The following AKAP9 variants were observed in gnomAD, a reference collection of about 807,000 sequenced individuals.
AKAP9 encodes A-kinase anchor protein 9.
In AKAP9, 311 loss-of-function variants were observed where a neutral mutation model predicts 488.5. That is an observed-to-expected ratio of 0.64 (90% CI 0.58 to 0.70). The LOEUF (loss-of-function observed/expected upper bound fraction) is 0.70, where lower values mean the gene tolerates loss of function less well. Among genes scored for constraint, AKAP9 ranks in the 30% least tolerant of loss-of-function variants. The pLI, the probability that AKAP9 is intolerant of heterozygous loss-of-function variation, is 0.00. For synonymous variants in AKAP9, 1,462 were observed against 1,483.5 expected (o/e 0.99, Z 0.33); for missense variants, 4,215 against 4,374.5 (o/e 0.96, Z 1.03).
At position 92,026,981 on chromosome 7, in the gene AKAP9, G is replaced by A. The variant is rs566369835; in HGVS notation, c.4149-2914G>A. 3.4e-3 allele frequency among the ~76,000 whole-genome samples: 492 copies of A among 145,754 alleles called. 3 individuals carry two copies. The highest frequency in any genetic ancestry group is 0.012 in the African/African-American group (457 of 38,756). On this transcript the variant is annotated intron_variant, in intron 14 of 49. Transcript: ENST00000356239. ...ATGTGGGGAGCGCCTCTGCCCGGCC[G>A]CCCATTGTCTGGGATGTGGGGAGCG...
chr7:92,042,584 A>G (rs990316024), intron 19 of AKAP9, 84 bp from the exon 20 acceptor site: 13 of 943,746 alleles, frequency 1.4e-5, no homozygotes, highest in African/African-American at 3.2e-5. Context: ...ATCTCATACC[A>G]ATATAGAAGA....
chr7:92,012,504 CGTGAATATATGGAAAATGAAAAA>C lies in AKAP9; in HGVS notation c.3396_3418del (p.Glu1133Ter). 1 of 1,613,920 alleles carries C rather than the reference CGTGAATATATGGAAAATGAAAAA, an allele frequency of 6.2e-7. No homozygotes were observed. Among genetic ancestry groups the C allele is most frequent in the Non-Finnish European group, 8.5e-7 (1 of 1,179,950 alleles). On this transcript the variant is annotated frameshift_variant, in exon 9 of 50. Transcript: ENST00000356239. LOFTEE classifies it high-confidence loss of function. ...TTATTCAACTCATGTGGATCAGGTT[CGTGAATATATGGAAAATGAAAAA>C]GATAAAGCTCTTTGCAGTCTTAAAG...
intron 1 of AKAP9, among the ~76,000 whole-genome samples, chr7:91,960,563 ATT>A (rs1417399272): frequency 6.6e-6 from 1 of 152,096 alleles, no homozygotes; most frequent in Non-Finnish European, 1.5e-5. Flanking sequence ...ACACGACCCC[ATT>A]TAAATTAAAT....
At position 91,973,908 on chromosome 7, in the gene AKAP9, A is replaced by G; in HGVS notation, c.246A>G (p.Thr82=). The change falls in exon 2 of 50, where the codon ACA becomes ACG. Residue 82 remains threonine, a synonymous_variant. Coordinates refer to ENST00000356239, the MANE Select transcript of AKAP9 (RefSeq NM_005751.5). ...RVESTVIPES[T]IMRTLHSGEI... is the part of the protein sequence containing the mutation. Reference sequence around the variant, plus strand: ...AATCAACTGTGATTCCTGAATCTACAATAATGAGAACTCTACATAGTGGAG... The same window carrying G: ...AATCAACTGTGATTCCTGAATCTACGATAATGAGAACTCTACATAGTGGAG... The G allele has an allele frequency of 1.9e-6, 3 of 1,614,112 alleles. No homozygotes were observed. Among genetic ancestry groups the G allele is most frequent in the Non-Finnish European group, 2.5e-6 (3 of 1,179,972 alleles).
intron 1 of AKAP9, among the ~76,000 whole-genome samples, chr7:91,971,022 A>G (rs1795012245): frequency 6.6e-6 from 1 of 152,210 alleles, no homozygotes; most frequent in African/African-American, 2.4e-5. Flanking sequence ...TACAAAAACA[A>G]TACATAAATT....
At position 91,947,630 on chromosome 7, in the gene AKAP9, G is replaced by A. The variant is rs181189943; in HGVS notation, c.48+6483G>A. Reference sequence around the variant, plus strand: ...GCTGGGATTACAGGCGTGAGCAACCGCGCCCGGCCGCAAACATTTATTTAA... The same window carrying A: ...GCTGGGATTACAGGCGTGAGCAACCACGCCCGGCCGCAAACATTTATTTAA... On this transcript the variant is annotated intron_variant, in intron 1 of 49. Transcript: ENST00000356239. Among the ~76,000 whole-genome samples, 209 of 152,258 alleles carry A rather than the reference G, an allele frequency of 1.4e-3. 4 individuals are homozygous for A. In the East Asian group the frequency reaches 0.024, roughly 17 times the overall value.
At chr7:92,022,441 G>C in intron 13 of AKAP9, 89 bp downstream of exon 13, 1 of 907,396 alleles carries the variant, frequency 1.1e-6, no homozygotes, top group East Asian at 2.4e-5. Flanking sequence ...AGCTAACGTA[G>C]TGACCTTTGG....
chr7:91,984,812 A>C (rs1051686243), intron 3 of AKAP9, among the ~76,000 whole-genome samples: 4 of 152,122 alleles, frequency 2.6e-5, no homozygotes, highest in African/African-American at 7.2e-5. Flanking sequence ...TTCGTTGAGC[A>C]GTGGTTTGTA....
At chr7:92,049,360 G>A (rs941288406) in intron 21 of AKAP9, among the ~76,000 whole-genome samples, 1 of 151,984 alleles carries the variant, frequency 6.6e-6, no homozygotes, top group Non-Finnish European at 1.5e-5. Flanking sequence ...ACCTGTAATC[G>A]CAGCACTTTG....
chr7:91,958,612 G>C (rs1584575610), intron 1 of AKAP9, among the ~76,000 whole-genome samples: 1 of 152,108 alleles, frequency 6.6e-6, no homozygotes, highest in East Asian at 1.9e-4. Flanking sequence ...ATTAGCATAT[G>C]GGCCCACGAT....
chr7:92,029,113 T>G (rs1234572353), intron 14 of AKAP9, among the ~76,000 whole-genome samples: 1 of 151,316 alleles, frequency 6.6e-6, no homozygotes, highest in Non-Finnish European at 1.5e-5. Flanking sequence ...AAATTATAAT[T>G]TGCTCCTTTT....
intron 1 of AKAP9, among the ~76,000 whole-genome samples, chr7:91,946,788 GT>G (rs1791507287): frequency 6.6e-6 from 1 of 152,138 alleles, no homozygotes; most frequent in African/African-American, 2.4e-5. Flanking sequence ...GAAAGAGGAA[GT>G]GAAAAAGGTA....
In AKAP9 at chr7:92,016,660, A is replaced by G. The variant is rs373280061; in HGVS notation, c.3752-357A>G. Among the ~76,000 whole-genome samples, 5 of 152,186 alleles carry G rather than the reference A, an allele frequency of 3.3e-5. 1 individual carries two copies. Among genetic ancestry groups the G allele is most frequent in the Non-Finnish European group, 1.5e-5 (1 of 67,934 alleles). On this transcript the variant is annotated intron_variant, in intron 11 of 49. Coordinates refer to ENST00000356239, the MANE Select transcript of AKAP9 (RefSeq NM_005751.5). ...ATTAAGAAATAAAAAATATATTAGT[A>G]TCTTTCTTAATATAGATCTGCTATA... is the stretch of plus-strand genomic sequence containing the variant.
intron 47 of AKAP9, 107 bp from the exon 48 acceptor site, chr7:92,107,186 G>T (rs1818642684): frequency 1.0e-5 from 11 of 1,067,930 alleles, no homozygotes; most frequent in African/African-American, 3.2e-5. Flanking sequence ...ATAGGAGATT[G>T]TATAATATAG....
At chr7:91,986,901 G>A (rs1014563361) in intron 3 of AKAP9, among the ~76,000 whole-genome samples, 2 of 151,234 alleles carry the variant, frequency 1.3e-5, no homozygotes, top group Admixed American at 1.3e-4. Context: ...TACATATATA[G>A]TTACATATAT....
chr7:92,001,147 A>C lies in AKAP9; in HGVS notation c.1230A>C (p.Lys410Asn). Residue 410 changes from lysine to asparagine, a missense_variant, in exon 8 of 50, where the codon AAA (lysine) becomes AAC (asparagine). Coordinates refer to ENST00000356239, the MANE Select transcript of AKAP9 (RefSeq NM_005751.5). ...AAGAACTTCAGAAGAGAAATCATAA[A>C]GACAGCCAGTTCGAAACTGATATAG... ...TVEELQKRNH[K>N]DSQFETDIVQ... The C allele has an allele frequency of 6.2e-7, 1 of 1,614,088 alleles. No homozygotes were observed. Among genetic ancestry groups the C allele is most frequent in the Non-Finnish European group, 8.5e-7 (1 of 1,179,962 alleles).
intron 3 of AKAP9, among the ~76,000 whole-genome samples, chr7:91,985,292 A>G (rs1796928388): frequency 1.3e-5 from 2 of 152,202 alleles, no homozygotes; most frequent in South Asian, 2.1e-4. Context: ...CCTCCCATCA[A>G]TACCTAGTTT....
chr7:92,081,466 G>A (rs995536662), intron 31 of AKAP9, among the ~76,000 whole-genome samples: 2 of 134,990 alleles, frequency 1.5e-5, no homozygotes, highest in South Asian at 2.4e-4. Context: ...CACCACACCC[G>A]GCTAATTTAT....
At chr7:92,065,828 A>T (rs1416765534) in intron 25 of AKAP9, among the ~76,000 whole-genome samples, 2 of 152,208 alleles carry the variant, frequency 1.3e-5, no homozygotes, top group Non-Finnish European at 2.9e-5. Context: ...CCTGTAAAAG[A>T]TACACATAGA....
Sources: gnomAD v4.1 joint callset for allele counts (sites outside exome capture counted in the v4.1 genomes callset) on GRCh38, gnomAD v4.1.1 for gene constraint, MANE v1.5 for transcripts, NCBI Gene and HGNC (gene_info 2026-07-23, HGNC 2026-07-21) for gene names.